C1QTNF3: variants seen among roughly 807,000 people sequenced by gnomAD.
C1QTNF3 encodes complement C1q tumor necrosis factor-related protein 3.
Under a neutral mutation model 32.6 loss-of-function variants are expected in C1QTNF3, and 26 were observed. The observed-to-expected ratio is 0.80, with a 90% CI of 0.58 to 1.11. C1QTNF3 has a LOEUF of 1.11. C1QTNF3 is among the 50% of genes least tolerant of loss of function. The pLI, the probability that C1QTNF3 is intolerant of heterozygous loss-of-function variation, is 0.00. For synonymous variants in C1QTNF3, 155 were observed against 146.0 expected (o/e 1.06, Z -0.44); for missense variants, 362 against 398.2 (o/e 0.91, Z 0.77).
the C1QTNF3 span, among the ~76,000 whole-genome samples, chr5:34,154,412 T>A: frequency 1.2e-4 from 19 of 152,322 alleles, no homozygotes; most frequent in East Asian, 3.3e-3. Flanking sequence ...TTTCTTGCTG[T>A]TAATCAGATT....
At chr5:34,131,994 G>A in the C1QTNF3 span, among the ~76,000 whole-genome samples, 11 of 152,138 alleles carry the variant, frequency 7.2e-5, no homozygotes, top group South Asian at 4.2e-4. Context: ...TAAAACATTC[G>A]ATAAATTTAC....
At chr5:34,062,963 GT>G in the C1QTNF3 span, among the ~76,000 whole-genome samples, 2 of 152,064 alleles carry the variant, frequency 1.3e-5, no homozygotes, top group African/African-American at 4.8e-5. Flanking sequence ...CAGCAAAGCA[GT>G]TGCTGCTACA....
At chr5:34,024,572 T>C (rs1376120731) in intron 4 of C1QTNF3, among the ~76,000 whole-genome samples, 1 of 152,198 alleles carries the variant, frequency 6.6e-6, no homozygotes, top group Non-Finnish European at 1.5e-5. Context: ...GGTGAAATTA[T>C]GTACAATAAA....
At chr5:34,200,395 G>A in the C1QTNF3 span, 1 of 151,508 alleles carries the variant, frequency 6.6e-6, no homozygotes, top group African/African-American at 2.4e-5. Context: ...TTAGCATTTA[G>A]CCTTGTCAAT....
At chr5:34,201,327 A>G in the C1QTNF3 span, among the ~76,000 whole-genome samples, 1 of 152,164 alleles carries the variant, frequency 6.6e-6, no homozygotes, top group African/African-American at 2.4e-5. Flanking sequence ...GGTGGAATGG[A>G]CTTGCAATTT....
chr5:34,087,489 G>A, the C1QTNF3 span, among the ~76,000 whole-genome samples: 4 of 148,958 alleles, frequency 2.7e-5, no homozygotes, highest in Non-Finnish European at 4.5e-5. Context: ...AAACACTTAA[G>A]AGAAATGTAA....
chr5:34,133,123 A>C, the C1QTNF3 span, among the ~76,000 whole-genome samples: 5 of 152,228 alleles, frequency 3.3e-5, no homozygotes, highest in Non-Finnish European at 7.3e-5. Flanking sequence ...GACAGGGATC[A>C]TATCAACCTC....
chr5:34,210,165 GTT>G, the C1QTNF3 span, among the ~76,000 whole-genome samples: 1 of 151,862 alleles, frequency 6.6e-6, no homozygotes, highest in Non-Finnish European at 1.5e-5. Flanking sequence ...TTGACAGTAG[GTT>G]TTCAGTTTCT....
At chr5:34,040,799 A>C (rs1579611851) in intron 1 of C1QTNF3, among the ~76,000 whole-genome samples, 2 of 139,632 alleles carry the variant, frequency 1.4e-5, no homozygotes, top group African/African-American at 2.7e-5. Flanking sequence ...CAGGCTTTCC[A>C]GTCTCTGTTG....
chr5:34,045,763 C>A (rs934918562), upstream of C1QTNF3, among the ~76,000 whole-genome samples: 1 of 151,780 alleles, frequency 6.6e-6, no homozygotes, highest in African/African-American at 2.4e-5. Flanking sequence ...CATTATTGAT[C>A]TCTCCCAAGA....
the C1QTNF3 span, among the ~76,000 whole-genome samples, chr5:34,053,385 T>C: frequency 6.6e-6 from 1 of 152,240 alleles, no homozygotes; most frequent in East Asian, 1.9e-4. Context: ...AAAGCATTCT[T>C]GGATTCTAAA....
chr5:34,196,389 C>T, the C1QTNF3 span, among the ~76,000 whole-genome samples: 1 of 152,298 alleles, frequency 6.6e-6, no homozygotes, highest in Admixed American at 6.5e-5. Flanking sequence ...CCACCTGCCT[C>T]GGCCTCCCAA....
At chr5:34,213,809 A>T in the C1QTNF3 span, among the ~76,000 whole-genome samples, 185 of 4,914 alleles carry the variant, frequency 0.038, 5 homozygotes, top group South Asian at 0.062. Context: ...ATATATATAT[A>T]TTTTTTTTTT....
upstream of C1QTNF3, chr5:34,043,343 C>A: frequency 1.8e-6 from 1 of 568,908 alleles, no homozygotes; most frequent in South Asian, 2.2e-5. Flanking sequence ...ACACCACAAG[C>A]AAGAACGATT....
At chr5:34,174,437 CT>C in the C1QTNF3 span, among the ~76,000 whole-genome samples, 5 of 152,202 alleles carry the variant, frequency 3.3e-5, no homozygotes, top group African/African-American at 1.2e-4. Context: ...ACCATTCATC[CT>C]AGGTGCCACG....
the C1QTNF3 span, among the ~76,000 whole-genome samples, chr5:34,157,156 T>A: frequency 6.6e-6 from 1 of 152,186 alleles, no homozygotes; most frequent in Non-Finnish European, 1.5e-5. Flanking sequence ...ATGTCTTCTG[T>A]TTTCAATTAC....
chr5:34,225,327 A>C, the C1QTNF3 span, among the ~76,000 whole-genome samples: 1 of 151,946 alleles, frequency 6.6e-6, no homozygotes. Flanking sequence ...CTGCACTAAC[A>C]TTGTTTTGTT....
At chr5:34,127,661 C>T in the C1QTNF3 span, among the ~76,000 whole-genome samples, 556 of 151,272 alleles carry the variant, frequency 3.7e-3, 6 homozygotes, top group African/African-American at 0.011. Context: ...GATTTTGGCT[C>T]ACTGCAACCT....
the C1QTNF3 span, among the ~76,000 whole-genome samples, chr5:34,160,069 G>C: frequency 3.3e-5 from 5 of 152,176 alleles, no homozygotes; most frequent in Non-Finnish European, 7.3e-5. Flanking sequence ...ATAGGGTATA[G>C]AGTTCATTAG....
Sources: gnomAD v4.1 joint callset for allele counts (sites outside exome capture counted in the v4.1 genomes callset) on GRCh38, gnomAD v4.1.1 for gene constraint, MANE v1.5 for transcripts, NCBI Gene and HGNC (gene_info 2026-07-23, HGNC 2026-07-21) for gene names.